MYT1: variants seen among roughly 807,000 people sequenced by gnomAD.
MYT1 encodes the protein myelin transcription factor I.
A neutral mutation model predicts 123.0 loss-of-function variants in MYT1; 23 were observed. The ratio of observed to expected loss-of-function variants is 0.19; its 90% CI spans 0.13 to 0.26. The LOEUF (loss-of-function observed/expected upper bound fraction) is 0.26. MYT1 is among the 10% of genes least tolerant of loss of function. The pLI is 1.00. For synonymous variants in MYT1, 518 were observed against 575.3 expected (o/e 0.90, Z 1.43); for missense variants, 1,125 against 1,472.5 (o/e 0.76, Z 3.86).
rs7273513 is a variant in MYT1, at chr20:64,185,924, G to A, written c.-98-4139G>A. ...AGCAGAGCACTGGCTCTCAGTGGAA[G>A]CGTCCTGTCTGGGGCCTGGGTCAGG... is the stretch of plus-strand genomic sequence containing the variant. On this transcript the variant is annotated intron_variant, in intron 1 of 22. Transcript: ENST00000328439. The surrounding 1 kb of genome is among the most constrained non-coding windows in gnomAD (Gnocchi z 4.5). Among the ~76,000 whole-genome samples the A allele has an allele frequency of 0.16, 24,997 of 152,246 alleles. 2,874 individuals are homozygous for A. The highest frequency in any genetic ancestry group is 0.32 in the African/African-American group (13,250 of 41,512).
chr20:64,179,114 C>T (rs1349977619), intron 1 of MYT1, among the ~76,000 whole-genome samples: 1 of 150,244 alleles, frequency 6.7e-6, no homozygotes, highest in Admixed American at 6.6e-5. Context: ...AGATACCCTT[C>T]AAGGTGGGAG....
chr20:64,225,900 C>T (rs1984157869), intron 16 of MYT1, among the ~76,000 whole-genome samples: 1 of 152,182 alleles, frequency 6.6e-6, no homozygotes. Flanking sequence ...GAGTTATACC[C>T]CCACCTGAGA....
chr20:64,195,396 GTA>G (rs1555811462), intron 2 of MYT1, among the ~76,000 whole-genome samples: 2 of 32,978 alleles, frequency 6.1e-5, no homozygotes, highest in South Asian at 1.4e-3. Context: ...GTGTGTGTGT[GTA>G]TACTTTTTTT....
chr20:64,232,075 G>C lies in MYT1; in HGVS notation c.2676-89G>C. 7.4e-7 allele frequency: 1 copy of C among 1,356,578 alleles called. No homozygotes were observed. Among genetic ancestry groups the C allele is most frequent in the Non-Finnish European group, 1.0e-6 (1 of 968,526 alleles). The allele number at this position is 1,356,578 out of a possible 1,614,324, so 84.0% of individuals were successfully genotyped here. A position where few individuals can be genotyped will look rare whatever the true frequency, so the allele number is the denominator to read the frequency against. On this transcript the variant is annotated intron_variant, in intron 18 of 22. Coordinates refer to ENST00000328439, the MANE Select transcript of MYT1 (RefSeq NM_004535.3). This position sits in a 1 kb window ranked among gnomAD's most constrained non-coding sequence, Gnocchi z 6.9. ...GAAGCCCTTTAACGGCTCTGAGTTG[G>C]GCTCCCCTTGTGTCTGGCTTGAGAG...
At chr20:64,165,409 G>C (rs966385219) in intron 1 of MYT1, among the ~76,000 whole-genome samples, 8 of 152,148 alleles carry the variant, frequency 5.3e-5, no homozygotes, top group African/African-American at 1.9e-4. Context: ...TAGTGTAACT[G>C]GATTTTTGTA....
In MYT1 at chr20:64,201,182, G is replaced by T. The variant is rs529649192; in HGVS notation, c.86+1260G>T. Among the ~76,000 whole-genome samples, 92 of 152,300 alleles carry T rather than the reference G, an allele frequency of 6.0e-4. 1 individual carries two copies. Among genetic ancestry groups the T allele is most frequent in the African/African-American group, 2.1e-3 (89 of 41,570 alleles). ...ATGGAGTGTGGAGGAAGTCGAAAAG[G>T]CAAATACAAATGGCAGGGTGCTCTC... On this transcript the variant is annotated intron_variant, in intron 4 of 22. Transcript: ENST00000328439.
chr20:64,236,585 T>C lies in MYT1; in HGVS notation c.2928T>C (p.Ala976=). ...SLSGCPRATF[A]GKKGKLSGDE... is the part of the protein sequence containing the mutation. Reference sequence around the variant, plus strand: ...CAGGCTGTCCCAGAGCAACCTTTGCTGGAAAGAAGGGAAAACTGTCAGGGG... The same window carrying C: ...CAGGCTGTCCCAGAGCAACCTTTGCCGGAAAGAAGGGAAAACTGTCAGGGG... Residue 976 remains alanine (A), a synonymous_variant, in exon 20 of 23, where the codon GCT becomes GCC. Transcript: ENST00000328439. The C allele has an allele frequency of 1.2e-6, 2 of 1,613,666 alleles. No individual in the cohort carries two copies. Among genetic ancestry groups the C allele is most frequent in the Non-Finnish European group, 1.7e-6 (2 of 1,179,852 alleles).
intron 16 of MYT1, among the ~76,000 whole-genome samples, chr20:64,223,816 C>G (rs902083288): frequency 1.3e-5 from 2 of 152,190 alleles, no homozygotes; most frequent in African/African-American, 4.8e-5. Flanking sequence ...GAAGAGAAAG[C>G]TCCTTCCCCT....
At chr20:64,204,955 C>T (rs1435723432) in intron 4 of MYT1, 80 bp from the exon 5 acceptor site, 1 of 1,440,330 alleles carries the variant, frequency 6.9e-7, no homozygotes, top group Non-Finnish European at 9.7e-7. Context: ...ACATTCTGCT[C>T]CCCAGGGTGA....
intron 13 of MYT1, 65 bp downstream of exon 13, chr20:64,220,047 T>G: frequency 7.0e-7 from 1 of 1,420,422 alleles, no homozygotes; most frequent in Non-Finnish European, 9.2e-7. Context: ...CTGAGGCTGT[T>G]GTGATATTGG....
Position 64,205,866 on chromosome 20 carries a change from G to A in MYT1, c.397+66G>A, listed in dbSNP as rs1983477647. ...GTGTGGCCCTGGAGAATTGCAGCCT[G>A]TGAGCGGGGAGGGGCTCACTCCGGG... On this transcript the variant is annotated intron_variant, in intron 6 of 22. Coordinates refer to ENST00000328439, the MANE Select transcript of MYT1 (RefSeq NM_004535.3). The A allele has an allele frequency of 1.5e-5, 24 of 1,579,398 alleles. No individual in the cohort carries two copies. The Middle Eastern group carries it at 6.8e-4, about 45-fold the overall frequency.
chr20:64,232,435 C>CGCCTGGG lies in MYT1; in HGVS notation c.2897+60_2897+66dup. 6.4e-7 allele frequency: 1 copy of CGCCTGGG among 1,569,770 alleles called. No homozygotes were observed. Among genetic ancestry groups the CGCCTGGG allele is most frequent in the Non-Finnish European group, 8.7e-7 (1 of 1,143,020 alleles). ...CCTCTGTGCAGTCAGTAGGGACCCT[C>CGCCTGGG]GCCTGGGGCCTGGGGCTGAAGCTCC... On this transcript the variant is annotated intron_variant, in intron 19 of 22. Coordinates refer to ENST00000328439, the MANE Select transcript of MYT1 (RefSeq NM_004535.3). This position sits in a 1 kb window ranked among gnomAD's most constrained non-coding sequence, Gnocchi z 6.9.
At chr20:64,211,772 G>A (rs1042432339) in intron 8 of MYT1, among the ~76,000 whole-genome samples, 2 of 152,328 alleles carry the variant, frequency 1.3e-5, no homozygotes, top group South Asian at 2.1e-4. Flanking sequence ...AGAATGAGAG[G>A]TTTTAAAGCT....
At chr20:64,188,788 C>T (rs1221113938) in intron 1 of MYT1, among the ~76,000 whole-genome samples, 4 of 152,300 alleles carry the variant, frequency 2.6e-5, no homozygotes, top group South Asian at 2.1e-4. Context: ...GGGAAGCTCC[C>T]GCAGCTCCCT....
Position 64,213,745 on chromosome 20 carries a change from GCA to G in MYT1, c.1631+99_1631+100del. 1 of 973,148 alleles carries G rather than the reference GCA, an allele frequency of 1.0e-6. No homozygotes were observed. The highest frequency in any genetic ancestry group is 1.6e-6 in the Non-Finnish European group (1 of 625,694). The allele number at this position is 973,148 out of a possible 1,614,324, so 60.3% of individuals were successfully genotyped here. A position where few individuals can be genotyped will look rare whatever the true frequency, so the allele number is the denominator to read the frequency against. On this transcript the variant is annotated intron_variant, in intron 10 of 22. Transcript: ENST00000328439. The surrounding 1 kb of genome is among the most constrained non-coding windows in gnomAD (Gnocchi z 5.6). The stretch of plus-strand genomic sequence containing the variant: ...AGGCTGTATGTGCATGTGTGTGAGT[GCA>G]TGTGTGTGAGTGTACGTGCATGTGA...
intron 6 of MYT1, among the ~76,000 whole-genome samples, chr20:64,207,325 A>G (rs1804934464): frequency 6.6e-6 from 1 of 152,226 alleles, no homozygotes; most frequent in Non-Finnish European, 1.5e-5. Flanking sequence ...AAGAAAAAGT[A>G]TCAAAGTAAT....
chr20:64,166,847 G>A lies in MYT1; in HGVS notation c.-99+2108G>A, dbSNP rs1490667900. On this transcript the variant is annotated intron_variant, in intron 1 of 22. Coordinates refer to ENST00000328439, the MANE Select transcript of MYT1 (RefSeq NM_004535.3). The surrounding 1 kb of genome is among the most constrained non-coding windows in gnomAD (Gnocchi z 4.9). ...CTGTTAGTGCCGGAGATGTCAGGGAGAGGCTGGCAGAGGGTATGCGGCCAC... is the reference window on the plus strand; with the variant it reads ...CTGTTAGTGCCGGAGATGTCAGGGAAAGGCTGGCAGAGGGTATGCGGCCAC... Among the ~76,000 whole-genome samples, 1 of 152,196 alleles carries A rather than the reference G, an allele frequency of 6.6e-6. No homozygotes were observed. The highest frequency in any genetic ancestry group is 1.5e-5 in the Non-Finnish European group (1 of 68,042).
chr20:64,208,534 CT>C lies in MYT1; in HGVS notation c.1291+48del. 2 of 1,537,186 alleles carry C rather than the reference CT, an allele frequency of 1.3e-6. No individual in the cohort carries two copies. Among genetic ancestry groups the C allele is most frequent in the Non-Finnish European group, 8.8e-7 (1 of 1,141,066 alleles). ...GCCCTGCAGACTCATCCTTTCACCC[CT>C]GCCCCAGGTGTGCAGATGCAGGCTG... On this transcript the variant is annotated intron_variant, in intron 7 of 22. Transcript: ENST00000328439. This position sits in a 1 kb window ranked among gnomAD's most constrained non-coding sequence, Gnocchi z 5.4.
rs143930337 is a variant in MYT1 at position 64,207,604 on chromosome 20, C to T, written c.408C>T (p.Pro136=). 157 of 1,612,702 alleles carry T rather than the reference C, an allele frequency of 9.7e-5. No individual in the cohort carries two copies. The African/African-American group carries it at 1.2e-3, about 12-fold the overall frequency. Residue 136 remains proline (P), a synonymous_variant, in exon 7 of 23, where the codon CCC becomes CCT. Coordinates refer to ENST00000328439, the MANE Select transcript of MYT1 (RefSeq NM_004535.3). ...TTTGATTTTGTGCAGGAAGGAGCCC[C>T]GTCAAGTCCCATTTTGGATCCAACC... is the stretch of plus-strand genomic sequence containing the variant. The part of the protein sequence containing the change: ...HRPETAEGRS[P]VKSHFGSNPI...
Sources: allele counts gnomAD v4.1 joint callset (sites outside exome capture counted in the v4.1 genomes callset), GRCh38; gene constraint gnomAD v4.1.1; non-coding constraint Gnocchi (gnomAD v3.1); transcripts MANE v1.5; gene names NCBI Gene and HGNC (gene_info 2026-07-23, HGNC 2026-07-21).